Variants in AGBL1 observed in about 807,000 individuals in gnomAD.
AGBL1 encodes AGBL carboxypeptidase 1, also known as cytosolic carboxypeptidase 4.
AGBL1 carries 130 observed loss-of-function variants against 118.9 expected under a neutral mutation model. The observed-to-expected ratio is 1.09, with a 90% confidence interval of 0.95 to 1.26. The LOEUF is 1.26. Ranked by LOEUF, AGBL1 falls within the 50% of genes most tolerant of loss-of-function variation. AGBL1 has a pLI of 0.00. For synonymous variants in AGBL1, 555 were observed against 478.9 expected (o/e 1.16, Z -2.08); for missense variants, 1,584 against 1,298.1 (o/e 1.22, Z -3.38).
At chr15:86,751,132 A>G (rs547553504) in intron 22 of AGBL1, among the ~76,000 whole-genome samples, 2 of 152,168 alleles carry the variant, frequency 1.3e-5, no homozygotes, top group East Asian at 3.9e-4. Context: ...ATAGAATGAC[A>G]TATATTCAGT....
chr15:86,523,589 C>T (rs1259825656), intron 19 of AGBL1, among the ~76,000 whole-genome samples: 3 of 152,096 alleles, frequency 2.0e-5, no homozygotes, highest in Non-Finnish European at 4.4e-5. Flanking sequence ...TATTTCATTC[C>T]ATATCCTGAG....
At chr15:86,511,491 T>C (rs1379985456) in intron 18 of AGBL1, among the ~76,000 whole-genome samples, 2 of 152,088 alleles carry the variant, frequency 1.3e-5, no homozygotes, top group Non-Finnish European at 2.9e-5. Flanking sequence ...GTGCTTCTTA[T>C]AAGTAACTGT....
intron 23 of AGBL1, among the ~76,000 whole-genome samples, chr15:86,977,077 T>C (rs1596698274): frequency 6.6e-6 from 1 of 152,000 alleles, no homozygotes; most frequent in Non-Finnish European, 1.5e-5. Flanking sequence ...TCAGGTATTT[T>C]ATGCTCTGTG....
chr15:86,318,301 A>G (rs1423572386), intron 17 of AGBL1, among the ~76,000 whole-genome samples: 1 of 152,180 alleles, frequency 6.6e-6, no homozygotes, highest in African/African-American at 2.4e-5. Flanking sequence ...GAACATTGCC[A>G]CTAGTGTGTC....
At chr15:86,932,480 C>T (rs1487392039) in intron 23 of AGBL1, among the ~76,000 whole-genome samples, 1 of 152,192 alleles carries the variant, frequency 6.6e-6, no homozygotes, top group African/African-American at 2.4e-5. Context: ...TGCGTGGAAA[C>T]TCTTTCCTTC....
At chr15:86,904,057 G>A (rs2080248105) in intron 22 of AGBL1, among the ~76,000 whole-genome samples, 2 of 151,534 alleles carry the variant, frequency 1.3e-5, no homozygotes, top group South Asian at 2.1e-4. Context: ...GGGACTGCTG[G>A]CTTTTCTGTG....
intron 24 of AGBL1, among the ~76,000 whole-genome samples, chr15:86,991,970 T>C (rs2081340192): frequency 6.6e-6 from 1 of 152,188 alleles, no homozygotes; most frequent in Non-Finnish European, 1.5e-5. Context: ...GTTTTTGTGC[T>C]GCTGTAAAGG....
chr15:86,894,168 C>T (rs746758750), intron 22 of AGBL1, among the ~76,000 whole-genome samples: 20 of 152,254 alleles, frequency 1.3e-4, no homozygotes, highest in Non-Finnish European at 2.6e-4. Flanking sequence ...CCATGTATTT[C>T]CCACATCTCA....
chr15:86,813,679 A>G (rs1252590999), intron 22 of AGBL1, among the ~76,000 whole-genome samples: 1 of 152,180 alleles, frequency 6.6e-6, no homozygotes, highest in African/African-American at 2.4e-5. Flanking sequence ...ACCTGTTAAC[A>G]TTGAAACAAG....
chr15:86,455,002 C>G (rs908194632), intron 18 of AGBL1, among the ~76,000 whole-genome samples: 2 of 152,112 alleles, frequency 1.3e-5, no homozygotes, highest in African/African-American at 4.8e-5. Context: ...AGACTATTGC[C>G]TCCCTAAGAC....
At chr15:86,836,405 A>G (rs1039190719) in intron 22 of AGBL1, among the ~76,000 whole-genome samples, 3 of 151,704 alleles carry the variant, frequency 2.0e-5, no homozygotes, top group African/African-American at 4.8e-5. Context: ...AATTTACACT[A>G]TCTCAACTCT....
intron 6 of AGBL1, among the ~76,000 whole-genome samples, chr15:86,242,298 A>G (rs2078653153): frequency 6.6e-6 from 1 of 152,244 alleles, no homozygotes; most frequent in African/African-American, 2.4e-5. Context: ...GATGCTGATC[A>G]TGATGATGAT....
intron 1 of AGBL1, chr15:86,140,017 T>G (rs1433205546): frequency 1.2e-5 from 2 of 171,532 alleles, no homozygotes; most frequent in Non-Finnish European, 2.5e-5. Context: ...GGACATGATG[T>G]GGAGAGCCCC....
intron 22 of AGBL1, among the ~76,000 whole-genome samples, chr15:86,795,590 T>G (rs2078558320): frequency 6.6e-6 from 1 of 150,536 alleles, no homozygotes; most frequent in South Asian, 2.1e-4. Context: ...CTGCTTGATT[T>G]TTTTTTTTTT....
chr15:86,641,187 G>A (rs1328496495), intron 21 of AGBL1, among the ~76,000 whole-genome samples: 1 of 151,944 alleles, frequency 6.6e-6, no homozygotes, highest in Non-Finnish European at 1.5e-5. Context: ...TTTTTGACAT[G>A]TAAATATATT....
intron 1 of AGBL1, among the ~76,000 whole-genome samples, chr15:86,119,390 G>T (rs1597418332): frequency 6.6e-6 from 1 of 151,974 alleles, no homozygotes; most frequent in Middle Eastern, 3.4e-3. Context: ...CTACTGATGG[G>T]CTTCTTCTGG....
chr15:86,527,149 G>T (rs2142210163), intron 19 of AGBL1, among the ~76,000 whole-genome samples: 1 of 152,156 alleles, frequency 6.6e-6, no homozygotes, highest in Admixed American at 6.5e-5. Flanking sequence ...GTCACAATTT[G>T]AAAAAAGTAT....
At chr15:86,879,846 C>T (rs563727726) in intron 22 of AGBL1, among the ~76,000 whole-genome samples, 1 of 152,140 alleles carries the variant, frequency 6.6e-6, no homozygotes, top group African/African-American at 2.4e-5. Flanking sequence ...TCATCTTTTG[C>T]CACCATAGGG....
In AGBL1 at chr15:86,521,814, A is replaced by G. The variant is rs1017704402; in HGVS notation, c.2556-996A>G. ...TCAAGTGGGAACTGTTAGCAATTCC[A>G]CTGAGCTTGGGTGTGGAAGGACAAT... On this transcript the variant is annotated intron_variant, in intron 18 of 22. Coordinates refer to ENST00000614907, the MANE Select transcript of AGBL1 (RefSeq NM_001386094.1). Among the ~76,000 whole-genome samples, 4 of 152,296 alleles carry G rather than the reference A, an allele frequency of 2.6e-5. No individual in the cohort carries two copies. The East Asian group carries it at 7.7e-4, about 29-fold the overall frequency.
Sources: allele counts gnomAD v4.1 joint callset (sites outside exome capture counted in the v4.1 genomes callset), GRCh38; gene constraint gnomAD v4.1.1; transcripts MANE v1.5; gene names NCBI Gene and HGNC (gene_info 2026-07-23, HGNC 2026-07-21).